Variants in USH2A observed in about 807,000 individuals in gnomAD.
USH2A encodes Usher syndrome 2A (autosomal recessive, mild).
In USH2A, 443 loss-of-function variants were observed where a neutral mutation model predicts 538.9. The ratio of observed to expected loss-of-function variants is 0.82; its 90% CI spans 0.76 to 0.89. USH2A has a LOEUF of 0.89. Ranked by LOEUF, USH2A falls within the 40% of genes least tolerant of loss-of-function variation. The pLI is 0.00. For missense variants in USH2A, 6,633 were observed against 6,324.8 expected (o/e 1.05, Z -1.65); for synonymous variants, 2,413 against 2,273.5 (o/e 1.06, Z -1.75).
intron 38 of USH2A, 73 bp downstream of exon 38, chr1:215,934,543 C>A (rs1366721953): frequency 2.7e-6 from 4 of 1,454,632 alleles, no homozygotes; most frequent in Non-Finnish European, 3.8e-6. Flanking sequence ...TAAAAATAAA[C>A]AAGGTATTCA....
At chr1:215,671,433 G>A in intron 63 of USH2A, 140 bp from the exon 64 acceptor site, 1 of 966,728 alleles carries the variant, frequency 1.0e-6, no homozygotes, top group Admixed American at 2.2e-5. Flanking sequence ...GAATAACAAA[G>A]TTGAGAATGG....
chr1:216,167,075 C>T (rs2034184406), intron 21 of USH2A, among the ~76,000 whole-genome samples: 1 of 152,034 alleles, frequency 6.6e-6, no homozygotes, highest in Non-Finnish European at 1.5e-5. Flanking sequence ...TTTCAAAGCT[C>T]CAAACAAACG....
intron 14 of USH2A, among the ~76,000 whole-genome samples, chr1:216,230,543 C>T (rs773497): frequency 0.58 from 88,849 of 151,926 alleles, 27,650 homozygotes; most frequent in East Asian, 0.76. Context: ...TTAAAAATCA[C>T]ATCAAATTTT....
intron 4 of USH2A, among the ~76,000 whole-genome samples, chr1:216,357,500 C>T (rs1246384515): frequency 1.3e-5 from 2 of 152,042 alleles, no homozygotes; most frequent in Non-Finnish European, 2.9e-5. Context: ...GAATCAAGTA[C>T]AAGCATATGG....
At chr1:215,750,873 T>G (rs1308670093) in intron 58 of USH2A, among the ~76,000 whole-genome samples, 1 of 152,142 alleles carries the variant, frequency 6.6e-6, no homozygotes, top group African/African-American at 2.4e-5. Context: ...GAACACTAAA[T>G]GAGATATATG....
intron 44 of USH2A, among the ~76,000 whole-genome samples, chr1:215,861,700 A>AAC (rs1260144870): frequency 6.6e-6 from 1 of 152,190 alleles, no homozygotes; most frequent in Non-Finnish European, 1.5e-5. Flanking sequence ...TATTGACACA[A>AAC]ACACATACTA....
At chr1:216,353,476 T>C (rs1331957828) in intron 4 of USH2A, among the ~76,000 whole-genome samples, 1 of 151,894 alleles carries the variant, frequency 6.6e-6, no homozygotes, top group Admixed American at 6.6e-5. Flanking sequence ...AAGAAACAGA[T>C]ATAAAAGTTA....
intron 15 of USH2A, 21 bp downstream of exon 15, chr1:216,217,366 A>G (rs1233700267): frequency 6.2e-7 from 1 of 1,612,268 alleles, no homozygotes; most frequent in South Asian, 1.1e-5. Context: ...ACACACCAGC[A>G]CTGAACCAGA....
rs754350273 is a variant in USH2A at position 215,816,586 on chromosome 1, G to A, written c.9570+411C>T. ...GTATTATTGATCTGATTTCTAAACC[G>A]CATCTAATATGAACATTAATCTACA... On this transcript the variant is annotated intron_variant, in intron 48 of 71. Coordinates refer to ENST00000307340, the MANE Select transcript of USH2A (RefSeq NM_206933.4). Among the ~76,000 whole-genome samples the A allele has an allele frequency of 8.2e-4, 125 of 151,922 alleles. 2 individuals carry two copies. In the Middle Eastern group the frequency reaches 0.01, roughly 12 times the overall value.
Position 215,878,926 on chromosome 1 carries a change from C to G in USH2A, c.8396G>C (p.Gly2799Ala), listed in dbSNP as rs762682610. 6.2e-7 allele frequency: 1 copy of G among 1,614,034 alleles called. No homozygotes were observed. Among genetic ancestry groups the G allele is most frequent in the Non-Finnish European group, 8.5e-7 (1 of 1,179,984 alleles). The change falls in exon 42 of 72, where the codon GGT becomes GCT. Residue 2799 changes from glycine to alanine, a missense_variant. Gly to Ala is a moderately conservative substitution (Grantham distance 60). Transcript: ENST00000307340. ...YSVTIVACSG[G>A]NGYLGGCTES... ...TGTGCACCCTCCAAGGTACCCATTACCCCCTGAGCAAGCAACAATGGTGAC... is the reference window on the plus strand; with the variant it reads ...TGTGCACCCTCCAAGGTACCCATTAGCCCCTGAGCAAGCAACAATGGTGAC...
intron 3 of USH2A, among the ~76,000 whole-genome samples, chr1:216,375,956 A>AAC (rs1360192174): frequency 6.6e-6 from 1 of 152,164 alleles, no homozygotes; most frequent in African/African-American, 2.4e-5. Flanking sequence ...GAGAAGTCAT[A>AAC]ACACACACAA....
intron 4 of USH2A, among the ~76,000 whole-genome samples, chr1:216,361,863 A>T (rs748206497): frequency 6.6e-6 from 1 of 152,248 alleles, no homozygotes; most frequent in Non-Finnish European, 1.5e-5. Context: ...AGTGCTAAGC[A>T]AAAAGAACAC....
chr1:216,379,814 C>G (rs566859829), intron 3 of USH2A, among the ~76,000 whole-genome samples: 1 of 152,150 alleles, frequency 6.6e-6, no homozygotes, highest in Non-Finnish European at 1.5e-5. Flanking sequence ...ATTACATTTG[C>G]GACCCTCCCC....
At chr1:215,979,822 T>C (rs1260530633) in intron 35 of USH2A, among the ~76,000 whole-genome samples, 1 of 152,208 alleles carries the variant, frequency 6.6e-6, no homozygotes, top group East Asian at 1.9e-4. Flanking sequence ...ATGACGTTAA[T>C]CTCATAAAAG....
intron 35 of USH2A, among the ~76,000 whole-genome samples, chr1:215,992,304 CTATGT>C (rs372455958): frequency 0.01 from 1,526 of 152,196 alleles, 6 homozygotes; most frequent in Non-Finnish European, 0.017. Context: ...AACAATGGTA[CTATGT>C]TATATGAACC....
intron 11 of USH2A, among the ~76,000 whole-genome samples, chr1:216,253,701 A>G (rs2102555739): frequency 6.6e-6 from 1 of 152,328 alleles, no homozygotes; most frequent in East Asian, 1.9e-4. Context: ...TGTCACCCAG[A>G]GGTGAAACTC....
intron 44 of USH2A, among the ~76,000 whole-genome samples, chr1:215,850,325 A>G (rs1663983023): frequency 6.6e-6 from 1 of 152,198 alleles, no homozygotes; most frequent in African/African-American, 2.4e-5. Flanking sequence ...TAGTCGGAAG[A>G]TAAAAGCTAT....
intron 44 of USH2A, among the ~76,000 whole-genome samples, chr1:215,852,916 T>C (rs893754703): frequency 2.0e-5 from 3 of 152,156 alleles, no homozygotes; most frequent in Non-Finnish European, 4.4e-5. Context: ...CTTTCACAGG[T>C]TGGCATTGTC....
At chr1:216,195,398 G>T (rs1046764048) in intron 19 of USH2A, among the ~76,000 whole-genome samples, 4 of 152,108 alleles carry the variant, frequency 2.6e-5, no homozygotes, top group Non-Finnish European at 4.4e-5. Context: ...GCAGAATTTA[G>T]TTTACAGATA....
Sources: gnomAD v4.1 joint callset for allele counts (sites outside exome capture counted in the v4.1 genomes callset) on GRCh38, gnomAD v4.1.1 for gene constraint, MANE v1.5 for transcripts, NCBI Gene and HGNC (gene_info 2026-07-23, HGNC 2026-07-21) for gene names.